ATP8A2: variants seen among roughly 807,000 people sequenced by gnomAD.
ATP8A2 encodes phospholipid-transporting ATPase IB.
Under a neutral mutation model 165.6 loss-of-function variants are expected in ATP8A2, and 100 were observed. The observed-to-expected ratio is 0.60, with a 90% CI of 0.51 to 0.71. The LOEUF is 0.71. Ranked by LOEUF, ATP8A2 falls within the 30% of genes least tolerant of loss-of-function variation. ATP8A2 has a pLI of 0.00. For missense variants in ATP8A2, 1,227 were observed against 1,479.5 expected, an observed-to-expected ratio of 0.83 and a Z score of 2.80; for synonymous variants, 543 against 548.8, an observed-to-expected ratio of 0.99 and a Z score of 0.15.
At position 25,414,807 on chromosome 13, in the gene ATP8A2, T is replaced by C. The variant is rs113624039; in HGVS notation, c.76+42519T>C. Among the ~76,000 whole-genome samples the C allele has an allele frequency of 1.9e-3, 294 of 152,350 alleles. 3 individuals carry two copies. The highest frequency in any genetic ancestry group is 6.6e-3 in the African/African-American group (273 of 41,576). On this transcript the variant is annotated intron_variant, in intron 1 of 36. Coordinates refer to ENST00000381655, the MANE Select transcript of ATP8A2 (RefSeq NM_016529.6). ...TAATTACCTAGTGTATACTTCATTC[T>C]GAGAGAATTGCCCTTCATTGCTATT...
At chr13:25,375,776 T>G (rs989552136) in intron 1 of ATP8A2, among the ~76,000 whole-genome samples, 1 of 152,018 alleles carries the variant, frequency 6.6e-6, no homozygotes, top group Non-Finnish European at 1.5e-5. Flanking sequence ...TTTCACCATG[T>G]TGGCCAGGAT....
In ATP8A2 at chr13:25,530,546, G is replaced by T; in HGVS notation, c.322-16G>T. On this transcript the variant is annotated splice_polypyrimidine_tract_variant and intron_variant, in intron 3 of 36. Coordinates refer to ENST00000381655, the MANE Select transcript of ATP8A2 (RefSeq NM_016529.6). ...TTAATGTGCCAACTTCCTACTTGTG[G>T]TCTCTTATCTTCCAGCAAATTCCAG... 1 of 1,468,796 alleles carries T rather than the reference G, an allele frequency of 6.8e-7. No individual in the cohort carries two copies. The highest frequency in any genetic ancestry group is 2.3e-5 in the East Asian group (1 of 42,788). 91.0% of individuals were successfully genotyped at this position (1,468,796 alleles called of 1,614,324 possible).
intron 25 of ATP8A2, among the ~76,000 whole-genome samples, chr13:25,733,122 T>C (rs1240656248): frequency 6.6e-6 from 1 of 152,220 alleles, no homozygotes; most frequent in African/African-American, 2.4e-5. Context: ...CATGGAAGTC[T>C]TCAATGACTA....
At chr13:25,771,010 G>T (rs925324138) in intron 26 of ATP8A2, among the ~76,000 whole-genome samples, 1 of 152,216 alleles carries the variant, frequency 6.6e-6, no homozygotes, top group Non-Finnish European at 1.5e-5. Context: ...CTCTGTGTTA[G>T]ATCACCTCTC....
chr13:25,920,146 T>C (rs1173527499), intron 33 of ATP8A2, among the ~76,000 whole-genome samples: 1 of 152,182 alleles, frequency 6.6e-6, no homozygotes, highest in Non-Finnish European at 1.5e-5. Context: ...AGATTCTTTT[T>C]GTGTTCCAGC....
chr13:25,752,594 T>C (rs1379686566), intron 25 of ATP8A2, among the ~76,000 whole-genome samples: 1 of 152,194 alleles, frequency 6.6e-6, no homozygotes, highest in Non-Finnish European at 1.5e-5. Context: ...AGAATGGACA[T>C]ATGCTGACTG....
At position 25,532,192 on chromosome 13, in the gene ATP8A2, T is replaced by G; in HGVS notation, c.421-80T>G. The G allele has an allele frequency of 4.4e-6, 5 of 1,129,572 alleles. No individual in the cohort carries two copies. The Admixed American group carries it at 9.8e-5, about 22-fold the overall frequency. 70.0% of individuals were successfully genotyped at this position (1,129,572 alleles called of 1,614,324 possible). On this transcript the variant is annotated intron_variant, in intron 4 of 36. Transcript: ENST00000381655. The stretch of plus-strand genomic sequence containing the variant: ...TTTAGTTTCCTTGTCCCCTGTAATT[T>G]CCTGATTGTTTTGTTTGCTATTTCA...
intron 35 of ATP8A2, among the ~76,000 whole-genome samples, chr13:26,006,477 C>A (rs1302840978): frequency 6.6e-6 from 1 of 151,894 alleles, no homozygotes; most frequent in East Asian, 1.9e-4. Context: ...TTACTTCTTT[C>A]TTTCATATTT....
chr13:25,681,222 G>A (rs1216092664), intron 24 of ATP8A2, among the ~76,000 whole-genome samples: 3 of 152,254 alleles, frequency 2.0e-5, no homozygotes, highest in Admixed American at 6.5e-5. Context: ...CCAGATACCC[G>A]GCATGCTTGA....
At chr13:25,559,847 A>G in intron 15 of ATP8A2, 82 bp downstream of exon 15, 1 of 1,089,460 alleles carries the variant, frequency 9.2e-7, no homozygotes, top group Non-Finnish European at 1.4e-6. Context: ...TTACATTTTT[A>G]GAGACAGCCT....
chr13:25,468,410 C>G (rs1362031625), intron 1 of ATP8A2, among the ~76,000 whole-genome samples: 1 of 152,206 alleles, frequency 6.6e-6, no homozygotes, highest in African/African-American at 2.4e-5. Flanking sequence ...CCTGGGGTCT[C>G]CGAAGCCCAT....
intron 1 of ATP8A2, among the ~76,000 whole-genome samples, chr13:25,384,529 T>C (rs1464306951): frequency 2.0e-5 from 3 of 152,240 alleles, no homozygotes; most frequent in East Asian, 3.8e-4. Context: ...TGAAGAATTC[T>C]TGTCTTTGTC....
chr13:25,558,860 G>A, intron 13 of ATP8A2, 113 bp from the exon 14 acceptor site: 2 of 634,864 alleles, frequency 3.2e-6, no homozygotes, highest in Non-Finnish European at 5.2e-6. Context: ...CTTGCTTTAG[G>A]GAAATCTACC....
In ATP8A2 at chr13:25,644,211, T is replaced by G. The variant is rs183948886; in HGVS notation, c.2211+54512T>G. On this transcript the variant is annotated intron_variant, in intron 24 of 36. Coordinates refer to ENST00000381655, the MANE Select transcript of ATP8A2 (RefSeq NM_016529.6). ...GATTGTTTCATTTTGTACTTTCCAA[T>G]TTGGATGCCTTTTATTTCTTTCTCT... Among the ~76,000 whole-genome samples the G allele has an allele frequency of 3.1e-3, 466 of 152,202 alleles. 3 individuals are homozygous for G. Among genetic ancestry groups the G allele is most frequent in the African/African-American group, 0.011 (450 of 41,564 alleles).
intron 28 of ATP8A2, among the ~76,000 whole-genome samples, chr13:25,835,435 T>C (rs1358297275): frequency 6.6e-6 from 1 of 152,064 alleles, no homozygotes; most frequent in East Asian, 1.9e-4. Context: ...CTGCTCCCAA[T>C]AGACTTGGGA....
chr13:25,543,230 G>A, intron 9 of ATP8A2, 61 bp from the exon 10 acceptor site: 1 of 1,099,584 alleles, frequency 9.1e-7, no homozygotes, highest in Non-Finnish European at 1.4e-6. Flanking sequence ...ATGTTTAAGG[G>A]AAAAACTCAT....
At chr13:25,948,670 G>A (rs1323874510) in intron 33 of ATP8A2, among the ~76,000 whole-genome samples, 1 of 152,090 alleles carries the variant, frequency 6.6e-6, no homozygotes, top group Non-Finnish European at 1.5e-5. Flanking sequence ...CTTGTGTTGG[G>A]ATTAGTGCCC....
At chr13:25,994,067 C>T (rs938610440) in intron 35 of ATP8A2, among the ~76,000 whole-genome samples, 27 of 151,966 alleles carry the variant, frequency 1.8e-4, no homozygotes, top group Admixed American at 9.8e-4. Flanking sequence ...GCTCTGTTTG[C>T]GCCTCAGTAT....
At chr13:25,646,946 T>C (rs925741332) in intron 24 of ATP8A2, among the ~76,000 whole-genome samples, 1 of 152,196 alleles carries the variant, frequency 6.6e-6, no homozygotes, top group African/African-American at 2.4e-5. Context: ...GAGCATATTA[T>C]ACTTCTGGCA....
Sources: allele counts gnomAD v4.1 joint callset (sites outside exome capture counted in the v4.1 genomes callset), GRCh38; gene constraint gnomAD v4.1.1; transcripts MANE v1.5; gene names NCBI Gene and HGNC (gene_info 2026-07-23, HGNC 2026-07-21).